KHDRBS2: variants seen among roughly 807,000 people sequenced by gnomAD.
The protein encoded by KHDRBS2 is KH RNA binding domain containing, signal transduction associated 2, also known as KH domain-containing, RNA-binding, signal transduction-associated protein 2.
Under a neutral mutation model 44.3 loss-of-function variants are expected in KHDRBS2, and 26 were observed. The ratio of observed to expected loss-of-function variants is 0.59; its 90% CI spans 0.43 to 0.81. The LOEUF (loss-of-function observed/expected upper bound fraction) is 0.81, where lower values mean the gene tolerates loss of function less well. KHDRBS2 is among the 40% of genes least tolerant of loss of function. The pLI is 0.00. For synonymous variants in KHDRBS2, 194 were observed against 151.1 expected, an observed-to-expected ratio of 1.28 and a Z score of -2.08; for missense variants, 476 against 433.1, an observed-to-expected ratio of 1.10 and a Z score of -0.88.
chr6:61,691,884 C>T (rs1385554015), intron 8 of KHDRBS2, among the ~76,000 whole-genome samples: 1 of 152,070 alleles, frequency 6.6e-6, no homozygotes, highest in Admixed American at 6.6e-5. Context: ...TAGAATATGG[C>T]ACAAAATTTC....
the KHDRBS2 span, among the ~76,000 whole-genome samples, chr6:61,641,053 C>T: frequency 3.3e-5 from 5 of 152,114 alleles, no homozygotes; most frequent in Admixed American, 2.6e-4. Flanking sequence ...CTTGTGTATG[C>T]TATGGGAACA....
intron 1 of KHDRBS2, among the ~76,000 whole-genome samples, chr6:62,186,746 G>C (rs1823509633): frequency 6.6e-6 from 1 of 152,004 alleles, no homozygotes; most frequent in Non-Finnish European, 1.5e-5. Flanking sequence ...CAAAAGGCAA[G>C]AGTTAAAGAT....
At chr6:62,071,095 A>G (rs2127344988) in intron 2 of KHDRBS2, among the ~76,000 whole-genome samples, 1 of 152,188 alleles carries the variant, frequency 6.6e-6, no homozygotes, top group South Asian at 2.1e-4. Flanking sequence ...GCAAGTGATG[A>G]TGAGCATTTT....
chr6:62,084,870 T>G (rs1174822388), intron 2 of KHDRBS2, among the ~76,000 whole-genome samples: 4 of 152,156 alleles, frequency 2.6e-5, no homozygotes, highest in Non-Finnish European at 5.9e-5. Flanking sequence ...AATTAACTTA[T>G]GACTATTTTC....
intron 2 of KHDRBS2, among the ~76,000 whole-genome samples, chr6:62,059,202 T>G (rs1390054378): frequency 2.4e-4 from 22 of 92,148 alleles, no homozygotes; most frequent in African/African-American, 8.9e-4. Flanking sequence ...TAGGAAGTTT[T>G]TTTTTTTTTT....
chr6:62,261,511 C>T (rs1175383087), intron 1 of KHDRBS2, among the ~76,000 whole-genome samples: 1 of 151,780 alleles, frequency 6.6e-6, no homozygotes, highest in Non-Finnish European at 1.5e-5. Context: ...TGTGTATATG[C>T]TTTTTCCAAT....
At chr6:61,944,469 A>G (rs1232863588) in intron 4 of KHDRBS2, among the ~76,000 whole-genome samples, 1 of 152,168 alleles carries the variant, frequency 6.6e-6, no homozygotes, top group African/African-American at 2.4e-5. Context: ...TCTCAGAGAC[A>G]ATAGAATGAT....
At chr6:62,060,178 G>C (rs1321279499) in intron 2 of KHDRBS2, among the ~76,000 whole-genome samples, 2 of 151,908 alleles carry the variant, frequency 1.3e-5, no homozygotes, top group Middle Eastern at 3.4e-3. Flanking sequence ...AATTCGTTTT[G>C]AAGGGGTGAT....
intron 6 of KHDRBS2, among the ~76,000 whole-genome samples, chr6:61,779,605 T>G (rs1337286025): frequency 6.6e-6 from 1 of 152,144 alleles, no homozygotes; most frequent in Non-Finnish European, 1.5e-5. Flanking sequence ...ACAAAATGCT[T>G]TATTTTTTGA....
At chr6:62,273,601 C>T (rs1242449392) in intron 1 of KHDRBS2, among the ~76,000 whole-genome samples, 4 of 152,096 alleles carry the variant, frequency 2.6e-5, no homozygotes, top group Admixed American at 6.5e-5. Flanking sequence ...GAGTTTTATC[C>T]TAAGTGTCCT....
At chr6:61,810,398 T>C (rs1389450428) in intron 6 of KHDRBS2, among the ~76,000 whole-genome samples, 2 of 152,058 alleles carry the variant, frequency 1.3e-5, no homozygotes, top group African/African-American at 2.4e-5. Flanking sequence ...TTGTTGTATG[T>C]ATATAAGCCT....
chr6:62,065,347 G>A (rs1280156965), intron 2 of KHDRBS2, among the ~76,000 whole-genome samples: 22 of 151,560 alleles, frequency 1.5e-4, no homozygotes, highest in Admixed American at 4.0e-4. Context: ...TGTTTATTGC[G>A]GCATTATTCA....
chr6:61,701,115 G>T (rs1338238718), intron 7 of KHDRBS2, among the ~76,000 whole-genome samples: 4 of 151,910 alleles, frequency 2.6e-5, no homozygotes, highest in African/African-American at 4.8e-5. Flanking sequence ...GCCATTGCCA[G>T]TGACAACTTG....
At chr6:61,950,891 A>C (rs1401836725) in intron 4 of KHDRBS2, among the ~76,000 whole-genome samples, 2 of 152,056 alleles carry the variant, frequency 1.3e-5, no homozygotes, top group Non-Finnish European at 2.9e-5. Context: ...CACTACTAGT[A>C]TTTTCATAAT....
chr6:61,846,538 A>G (rs983575492), intron 6 of KHDRBS2, among the ~76,000 whole-genome samples: 6 of 152,194 alleles, frequency 3.9e-5, no homozygotes, highest in African/African-American at 1.4e-4. Context: ...AACTCATCCT[A>G]TTTGAAAATA....
chr6:61,602,278 A>T, the KHDRBS2 span, among the ~76,000 whole-genome samples: 2 of 152,144 alleles, frequency 1.3e-5, no homozygotes, highest in African/African-American at 4.8e-5. Flanking sequence ...CTGTGAGACA[A>T]ACCCCAGCCA....
the KHDRBS2 span, among the ~76,000 whole-genome samples, chr6:61,586,061 T>A: frequency 6.6e-6 from 1 of 152,142 alleles, no homozygotes; most frequent in Non-Finnish European, 1.5e-5. Flanking sequence ...AGAACCAGAA[T>A]TTAGGTCACA....
chr6:61,576,640 T>C, the KHDRBS2 span, among the ~76,000 whole-genome samples: 1 of 152,302 alleles, frequency 6.6e-6, no homozygotes, highest in South Asian at 2.1e-4. Context: ...TTTTGAGCTT[T>C]TGAGAAATAG....
chr6:61,812,151 C>T (rs1788219158), intron 6 of KHDRBS2, among the ~76,000 whole-genome samples: 1 of 151,968 alleles, frequency 6.6e-6, no homozygotes. Flanking sequence ...TTTATAACCA[C>T]AGTGACTAAT....
Sources: allele counts gnomAD v4.1 joint callset (sites outside exome capture counted in the v4.1 genomes callset), GRCh38; gene constraint gnomAD v4.1.1; transcripts MANE v1.5; gene names NCBI Gene and HGNC (gene_info 2026-07-23, HGNC 2026-07-21).